SHISA6: variants seen among roughly 807,000 people sequenced by gnomAD.
SHISA6 encodes the protein shisa family member 6.
SHISA6 carries 22 observed loss-of-function variants against 47.9 expected under a neutral mutation model. That is an observed-to-expected ratio of 0.46 (90% CI 0.33 to 0.66). The LOEUF is 0.66. SHISA6 is among the 30% of genes least tolerant of loss of function. The pLI is 0.02. For missense variants in SHISA6, 680 were observed against 764.6 expected (o/e 0.89, Z 1.30); for synonymous variants, 388 against 337.8 (o/e 1.15, Z -1.63).
intron 2 of SHISA6, among the ~76,000 whole-genome samples, chr17:11,372,913 A>T (rs1156419551): frequency 6.6e-6 from 1 of 151,754 alleles, no homozygotes; most frequent in Non-Finnish European, 1.5e-5. Flanking sequence ...TTGCTCCCCC[A>T]CCCCTCAAGC....
At chr17:11,543,022 C>T (rs1597578555) in intron 3 of SHISA6, among the ~76,000 whole-genome samples, 1 of 152,172 alleles carries the variant, frequency 6.6e-6, no homozygotes, top group East Asian at 1.9e-4. Flanking sequence ...GGGCTTCTAC[C>T]TAAGATCTCA....
At chr17:11,339,008 G>A (rs1911425079) in intron 2 of SHISA6, among the ~76,000 whole-genome samples, 1 of 151,576 alleles carries the variant, frequency 6.6e-6, no homozygotes, top group Non-Finnish European at 1.5e-5. Flanking sequence ...AAAACAAGGA[G>A]TGTTCTATGT....
intron 2 of SHISA6, among the ~76,000 whole-genome samples, chr17:11,363,657 T>G (rs749855935): frequency 6.6e-6 from 1 of 152,136 alleles, no homozygotes; most frequent in African/African-American, 2.4e-5. Context: ...ATTGAGGTAT[T>G]GAGGTAGGAG....
At chr17:11,249,239 G>C (rs904113643) in intron 1 of SHISA6, among the ~76,000 whole-genome samples, 1 of 151,892 alleles carries the variant, frequency 6.6e-6, no homozygotes, top group South Asian at 2.1e-4. Context: ...GATCAATGCA[G>C]TTCAGCTCTG....
intron 2 of SHISA6, among the ~76,000 whole-genome samples, chr17:11,281,742 GA>G (rs1909126381): frequency 6.6e-6 from 1 of 152,102 alleles, no homozygotes. Context: ...TCAATGCCTA[GA>G]ATTTTTGTTT....
chr17:11,322,274 G>T (rs893291356), intron 2 of SHISA6, among the ~76,000 whole-genome samples: 44 of 151,974 alleles, frequency 2.9e-4, no homozygotes, highest in Middle Eastern at 3.4e-3. Context: ...AAGAAAAAAA[G>T]AGTTTTTTGT....
intron 3 of SHISA6, among the ~76,000 whole-genome samples, chr17:11,549,093 T>C (rs988973526): frequency 6.6e-6 from 1 of 152,220 alleles, no homozygotes; most frequent in African/African-American, 2.4e-5. Flanking sequence ...CATGCTATTT[T>C]AATTCATTTT....
intron 2 of SHISA6, among the ~76,000 whole-genome samples, chr17:11,302,153 A>C (rs1213349411): frequency 1.3e-5 from 2 of 152,184 alleles, no homozygotes; most frequent in Non-Finnish European, 2.9e-5. Context: ...TTGGAGACAC[A>C]ATTCAAATTG....
intron 3 of SHISA6, among the ~76,000 whole-genome samples, chr17:11,462,055 C>A (rs1340379458): frequency 6.6e-6 from 1 of 152,112 alleles, no homozygotes; most frequent in Non-Finnish European, 1.5e-5. Flanking sequence ...CAAGAAATTT[C>A]AGGCAAAGCC....
chr17:11,335,189 T>G (rs1465438321), intron 2 of SHISA6, among the ~76,000 whole-genome samples: 1 of 152,240 alleles, frequency 6.6e-6, no homozygotes, highest in Non-Finnish European at 1.5e-5. Context: ...CCTTGGCGGT[T>G]GCACAGATCT....
At chr17:11,452,859 ACG>A (rs1915440568) in intron 3 of SHISA6, among the ~76,000 whole-genome samples, 3 of 146,512 alleles carry the variant, frequency 2.0e-5, no homozygotes, top group African/African-American at 7.6e-5. Flanking sequence ...TTGTTCTCCT[ACG>A]ACTACTTCTC....
intron 3 of SHISA6, among the ~76,000 whole-genome samples, chr17:11,499,686 T>TC (rs1238524160): frequency 7.0e-5 from 10 of 143,788 alleles, no homozygotes; most frequent in African/African-American, 1.4e-4. Flanking sequence ...TTTCTTTCTT[T>TC]TTTTTTTTTT....
At chr17:11,305,533 A>G (rs1300706860) in intron 2 of SHISA6, among the ~76,000 whole-genome samples, 1 of 152,166 alleles carries the variant, frequency 6.6e-6, no homozygotes, top group African/African-American at 2.4e-5. Context: ...GGATTGACTG[A>G]TGAAGCCCGC....
intron 2 of SHISA6, among the ~76,000 whole-genome samples, chr17:11,330,184 A>T (rs1028781562): frequency 1.3e-5 from 2 of 152,086 alleles, no homozygotes; most frequent in South Asian, 2.1e-4. Context: ...TCGTATCTGA[A>T]CCGGTTTCAG....
chr17:11,277,361 G>T (rs182218089), intron 2 of SHISA6, among the ~76,000 whole-genome samples: 1 of 147,648 alleles, frequency 6.8e-6, no homozygotes, highest in East Asian at 2.0e-4. Flanking sequence ...CAGAGATCTA[G>T]ACCTGAGTGT....
At chr17:11,408,857 T>G (rs554740370) in intron 3 of SHISA6, among the ~76,000 whole-genome samples, 1 of 152,238 alleles carries the variant, frequency 6.6e-6, no homozygotes, top group Non-Finnish European at 1.5e-5. Context: ...GTGAAACTTC[T>G]GAAAGCTAAT....
intron 3 of SHISA6, among the ~76,000 whole-genome samples, chr17:11,442,860 A>T (rs1915127775): frequency 6.6e-6 from 1 of 152,152 alleles, no homozygotes; most frequent in Non-Finnish European, 1.5e-5. Context: ...GTCCAGTTTA[A>T]TGATGTCTCA....
At position 11,505,230 on chromosome 17, in the gene SHISA6, T is replaced by C. The variant is rs76017439; in HGVS notation, c.896-46666T>C. On this transcript the variant is annotated intron_variant, in intron 3 of 5. Transcript: ENST00000441885. Reference sequence around the variant, plus strand: ...TTATAATTATTACCTCTCCTCTAAGTAGGAGGTGGAAGTATGGCTTATCTC... The same window carrying C: ...TTATAATTATTACCTCTCCTCTAAGCAGGAGGTGGAAGTATGGCTTATCTC... Among the ~76,000 whole-genome samples, 909 of 152,298 alleles carry C rather than the reference T, an allele frequency of 6.0e-3. 7 individuals carry two copies. Among genetic ancestry groups the C allele is most frequent in the African/African-American group, 0.021 (860 of 41,552 alleles).
chr17:11,306,446 A>G (rs1034768126), intron 2 of SHISA6, among the ~76,000 whole-genome samples: 1 of 152,138 alleles, frequency 6.6e-6, no homozygotes, highest in African/African-American at 2.4e-5. Context: ...TTGAGAGTGG[A>G]GGAGGTTTCT....
Sources: allele counts gnomAD v4.1 joint callset (sites outside exome capture counted in the v4.1 genomes callset), GRCh38; gene constraint gnomAD v4.1.1; transcripts MANE v1.5; gene names NCBI Gene and HGNC (gene_info 2026-07-23, HGNC 2026-07-21).